EXO1: variants seen among roughly 807,000 people sequenced by gnomAD.
EXO1 encodes the protein exonuclease 1.
Under a neutral mutation model 84.5 loss-of-function variants are expected in EXO1, and 69 were observed. That is an observed-to-expected ratio of 0.82 (90% CI 0.67 to 1.00). The LOEUF is 1.00. Ranked by LOEUF, EXO1 falls within the 50% of genes least tolerant of loss-of-function variation. The pLI is 0.00. For missense variants in EXO1, 1,045 were observed against 1,000.7 expected, an observed-to-expected ratio of 1.04 and a Z score of -0.60; for synonymous variants, 373 against 366.1, an observed-to-expected ratio of 1.02 and a Z score of -0.21.
At chr1:241,882,104 A>G in intron 14 of EXO1, 87 bp downstream of exon 14, 1 of 698,798 alleles carries the variant, frequency 1.4e-6, no homozygotes, top group South Asian at 1.7e-5. Flanking sequence ...AGAATTAAAA[A>G]TCAAAATACC....
intron 15 of EXO1, among the ~76,000 whole-genome samples, chr1:241,889,027 G>A (rs529657492): frequency 6.8e-4 from 103 of 152,098 alleles, no homozygotes; most frequent in Middle Eastern, 3.4e-3. Context: ...AGCCAAGATC[G>A]TGCCACTGCA....
chr1:241,877,747 A>G (rs182453597), intron 12 of EXO1, among the ~76,000 whole-genome samples: 1 of 152,234 alleles, frequency 6.6e-6, no homozygotes, highest in East Asian at 1.9e-4. Flanking sequence ...GCTATACTGA[A>G]TAAGTAATAC....
At chr1:241,865,433 A>G (rs1029724725) in intron 10 of EXO1, among the ~76,000 whole-genome samples, 1 of 150,560 alleles carries the variant, frequency 6.6e-6, no homozygotes, top group East Asian at 2.0e-4. Context: ...CTGGTCTCAA[A>G]CTCCTGACCT....
chr1:241,886,402 C>G (rs1190978527), intron 15 of EXO1, among the ~76,000 whole-genome samples: 3 of 152,038 alleles, frequency 2.0e-5, no homozygotes, highest in Non-Finnish European at 4.4e-5. Flanking sequence ...TTTTCTTGTT[C>G]TCAATAAAAG....
At chr1:241,855,525 G>A (rs548217485) in intron 6 of EXO1, among the ~76,000 whole-genome samples, 7 of 152,370 alleles carry the variant, frequency 4.6e-5, no homozygotes. Context: ...TTCACCCAGT[G>A]GATCCCGCAC....
Position 241,889,638 on chromosome 1 carries a change from C to T in EXO1, c.*38C>T. 6.2e-7 allele frequency: 1 copy of T among 1,609,616 alleles called. No homozygotes were observed. The highest frequency in any genetic ancestry group is 8.5e-7 in the Non-Finnish European group (1 of 1,176,164). ...GCAAAGCTTTTGCCTGCAAGAGAAT[C>T]TGATCAATTTGAAGTCCCTGTTTGG... On this transcript the variant is annotated 3_prime_UTR_variant, in exon 16 of 16. Coordinates refer to ENST00000366548, the MANE Select transcript of EXO1 (RefSeq NM_130398.4).
intron 4 of EXO1, among the ~76,000 whole-genome samples, chr1:241,851,756 C>T (rs1342115831): frequency 6.6e-6 from 1 of 152,178 alleles, no homozygotes; most frequent in Admixed American, 6.5e-5. Flanking sequence ...AATCAGGCAC[C>T]TCTTCCCGCA....
chr1:241,861,447 A>AT lies in EXO1; in HGVS notation c.987dup (p.Lys330Ter). ...ATAGCTCTTCAAATAGCACTTGGAA[A>AT]TAAAGATATAAATACTTTTGAACAG... On this transcript the variant is annotated frameshift_variant, in exon 10 of 16. Coordinates refer to ENST00000366548, the MANE Select transcript of EXO1 (RefSeq NM_130398.4). LOFTEE classifies it high-confidence loss of function. 1.3e-6 allele frequency: 2 copies of AT among 1,593,518 alleles called. No homozygotes were observed.
chr1:241,883,390 G>A (rs556790283), intron 14 of EXO1, among the ~76,000 whole-genome samples: 2 of 152,288 alleles, frequency 1.3e-5, no homozygotes, highest in Admixed American at 1.3e-4. Context: ...GCAGACAGAT[G>A]CCTTCTCGCT....
chr1:241,855,833 C>CT (rs1660987025), intron 6 of EXO1, among the ~76,000 whole-genome samples: 1 of 152,248 alleles, frequency 6.6e-6, no homozygotes, highest in Non-Finnish European at 1.5e-5. Context: ...GTGCTAAGCC[C>CT]TCATTGCCTG....
chr1:241,856,526 ATATG>A (rs1661049799), intron 6 of EXO1, among the ~76,000 whole-genome samples: 2 of 152,070 alleles, frequency 1.3e-5, no homozygotes, highest in African/African-American at 4.8e-5. Context: ...GTGTGTGTGT[ATATG>A]TATACACACA....
At chr1:241,852,250 TAAGA>T (rs780036266) in intron 4 of EXO1, 38 bp from the exon 5 acceptor site, 5 of 1,573,728 alleles carry the variant, frequency 3.2e-6, no homozygotes, top group Non-Finnish European at 4.3e-6. Flanking sequence ...AGTATTACCT[TAAGA>T]AAGGTGAAGC....
chr1:241,889,349 T>C (rs1663252537), intron 15 of EXO1, 116 bp from the exon 16 acceptor site: 5 of 875,288 alleles, frequency 5.7e-6, no homozygotes, highest in Non-Finnish European at 9.4e-6. Flanking sequence ...TTGAAAGAGA[T>C]CGTACAGTAA....
chr1:241,871,335 T>C (rs111470016), intron 11 of EXO1, among the ~76,000 whole-genome samples: 354 of 152,364 alleles, frequency 2.3e-3, no homozygotes, highest in African/African-American at 8.2e-3. Flanking sequence ...ATTATAGTAG[T>C]GTGCACTTAC....
At chr1:241,849,347 T>TG (rs1027423544) in intron 3 of EXO1, 131 bp downstream of exon 3, 1 of 151,748 alleles carries the variant, frequency 6.6e-6, no homozygotes, top group Non-Finnish European at 1.5e-5. Flanking sequence ...TATTGTAGAG[T>TG]GGGGGGAGGT....
rs1558151707 is a variant in EXO1, at chr1:241,889,493, A to G, written c.2434A>G (p.Lys812Glu). ...TTCTGAAAAGCTTCCTCCTTGTAAG[A>G]AACCCCTGTCCCCAGTCAGAGATAA... is the stretch of plus-strand genomic sequence containing the variant. ...KDSEKLPPCK[K>E]PLSPVRDNIQ... is the part of the protein sequence containing the mutation. Residue 812 changes from lysine to glutamate, a missense_variant, in exon 16 of 16, where the codon AAA becomes GAA. Lys to Glu is a moderately conservative substitution (Grantham distance 56, BLOSUM62 1). Transcript: ENST00000366548. 1 of 1,613,824 alleles carries G rather than the reference A, an allele frequency of 6.2e-7. No individual in the cohort carries two copies. The highest frequency in any genetic ancestry group is 1.1e-5 in the South Asian group (1 of 91,080).
At chr1:241,854,368 C>T (rs1660843101) in intron 6 of EXO1, among the ~76,000 whole-genome samples, 1 of 152,152 alleles carries the variant, frequency 6.6e-6, no homozygotes, top group Non-Finnish European at 1.5e-5. Context: ...AACTCCCAAT[C>T]TCAGGTGATC....
Position 241,872,152 on chromosome 1 carries a change from T to G in EXO1, c.1388T>G (p.Leu463Arg). 6.2e-7 allele frequency: 1 copy of G among 1,614,068 alleles called. No individual in the cohort carries two copies. The highest frequency in any genetic ancestry group is 8.5e-7 in the Non-Finnish European group (1 of 1,179,970). ...LSFSEVFVPDLVNGPTNKKSV... is the reference protein window; with the variant it reads ...LSFSEVFVPDRVNGPTNKKSV... ...TTTTCTGAAGTGTTTGTGCCTGACC[T>G]GGTAAATGGACCTACTAACAAAAAG... Residue 463 changes from leucine to arginine, a missense_variant, in exon 12 of 16, where the codon CTG becomes CGG. Leu to Arg is a moderately radical substitution (Grantham distance 102). Transcript: ENST00000366548.
chr1:241,871,983 C>CT (rs758327169), intron 11 of EXO1, 49 bp from the exon 12 acceptor site: 7 of 1,507,420 alleles, frequency 4.6e-6, no homozygotes, highest in Non-Finnish European at 4.6e-6. Context: ...GGCCAAATCT[C>CT]TAAGTACAGG....
Sources: allele counts gnomAD v4.1 joint callset (sites outside exome capture counted in the v4.1 genomes callset), GRCh38; gene constraint gnomAD v4.1.1; transcripts MANE v1.5; gene names NCBI Gene and HGNC (gene_info 2026-07-23, HGNC 2026-07-21).